The following STXBP5L variants were observed in gnomAD, a reference collection of about 807,000 sequenced individuals.
STXBP5L encodes syntaxin binding protein 5L, also known as syntaxin-binding protein 5-like.
STXBP5L carries 65 observed loss-of-function variants against 144.5 expected under a neutral mutation model. That is an observed-to-expected ratio of 0.45 (90% confidence interval 0.37 to 0.55). The LOEUF (loss-of-function observed/expected upper bound fraction) is 0.55. STXBP5L is among the 20% of genes least tolerant of loss of function. The probability of loss-of-function intolerance (pLI) is 0.00; values close to 1 mark genes in which losing one functional copy is unlikely to be tolerated. For missense variants in STXBP5L, 1,298 were observed against 1,405.5 expected (o/e 0.92, Z 1.22); for synonymous variants, 505 against 469.6 (o/e 1.08, Z -0.97).
At chr3:121,168,396 C>T (rs567964952) in intron 9 of STXBP5L, among the ~76,000 whole-genome samples, 1 of 152,180 alleles carries the variant, frequency 6.6e-6, no homozygotes, top group African/African-American at 2.4e-5. Context: ...CTCCTCTGAG[C>T]TAAAGGAGGA....
chr3:121,109,355 G>A (rs1301324279), intron 5 of STXBP5L, among the ~76,000 whole-genome samples: 1 of 152,016 alleles, frequency 6.6e-6, no homozygotes, highest in African/African-American at 2.4e-5. Context: ...TTTTCGATGT[G>A]GGCATTTAGT....
intron 5 of STXBP5L, among the ~76,000 whole-genome samples, chr3:121,090,155 T>G (rs1312347637): frequency 6.6e-6 from 1 of 152,172 alleles, no homozygotes; most frequent in Non-Finnish European, 1.5e-5. Context: ...ATTCCAGGCA[T>G]TGTTATGAGG....
At chr3:121,377,028 T>C (rs2046204074) in intron 20 of STXBP5L, among the ~76,000 whole-genome samples, 2 of 152,174 alleles carry the variant, frequency 1.3e-5, no homozygotes, top group South Asian at 2.1e-4. Flanking sequence ...GGCTGTCTGT[T>C]TGTCTATTAT....
intron 2 of STXBP5L, among the ~76,000 whole-genome samples, chr3:120,939,394 G>C (rs559232151): frequency 6.6e-5 from 10 of 152,210 alleles, no homozygotes; most frequent in Non-Finnish European, 1.3e-4. Context: ...CAAAAATACT[G>C]TTTCTGTAAG....
chr3:121,412,727 CAAAAA>C lies in STXBP5L; in HGVS notation c.2949-413_2949-409del, dbSNP rs35247157. ...ATGAAAATAAAGTTGTTTCTCCCTC[CAAAAA>C]AAAAAAAAAAAAAAAAACAAAAGAA... On this transcript the variant is annotated intron_variant, in intron 23 of 26. Transcript: ENST00000471454. Among the ~76,000 whole-genome samples the C allele has an allele frequency of 5.9e-3, 408 of 69,618 alleles. 4 individuals carry two copies. The highest frequency in any genetic ancestry group is 0.013 in the African/African-American group (213 of 16,622). 45.7% of individuals were successfully genotyped at this position (69,618 alleles called of 152,430 possible).
intron 3 of STXBP5L, among the ~76,000 whole-genome samples, chr3:121,025,195 T>G (rs913240832): frequency 1.3e-5 from 2 of 152,082 alleles, no homozygotes; most frequent in Non-Finnish European, 2.9e-5. Flanking sequence ...GTTTTGGTGG[T>G]TTTTAAGCCT....
At chr3:121,344,970 T>C (rs902415611) in intron 20 of STXBP5L, among the ~76,000 whole-genome samples, 10 of 150,402 alleles carry the variant, frequency 6.6e-5, no homozygotes, top group Non-Finnish European at 1.5e-4. Context: ...ATTATATATA[T>C]ATACACATTT....
intron 3 of STXBP5L, among the ~76,000 whole-genome samples, chr3:120,966,460 G>A (rs1348285424): frequency 3.9e-5 from 6 of 152,172 alleles, no homozygotes; most frequent in Non-Finnish European, 5.9e-5. Context: ...TAGAGATGGG[G>A]TTTTGGTGTA....
At chr3:121,033,619 T>C (rs1946536438) in intron 3 of STXBP5L, among the ~76,000 whole-genome samples, 1 of 151,560 alleles carries the variant, frequency 6.6e-6, no homozygotes, top group Non-Finnish European at 1.5e-5. Context: ...TAAATTCGTG[T>C]GTTTTTTATG....
Position 120,942,445 on chromosome 3 carries a change from T to C in STXBP5L, c.190-12495T>C, listed in dbSNP as rs1034976295. 2.0e-5 allele frequency among the ~76,000 whole-genome samples: 3 copies of C among 151,566 alleles called. No individual in the cohort carries two copies. In the South Asian group the frequency reaches 6.2e-4, roughly 31 times the overall value. The stretch of plus-strand genomic sequence containing the variant: ...ATCTAAGTTCCAAGCTAGTGAAAAG[T>C]ATTTTGTCTTTCTAACCACTTTATA... On this transcript the variant is annotated intron_variant, in intron 2 of 26. Coordinates refer to ENST00000471454, the MANE Select transcript of STXBP5L (RefSeq NM_001308330.2).
intron 20 of STXBP5L, among the ~76,000 whole-genome samples, chr3:121,325,239 T>C (rs1461089539): frequency 6.6e-6 from 1 of 152,078 alleles, no homozygotes; most frequent in African/African-American, 2.4e-5. Context: ...AAGTGTGAAC[T>C]ATTAATGTTC....
intron 5 of STXBP5L, among the ~76,000 whole-genome samples, chr3:121,093,748 G>C (rs1462146423): frequency 6.6e-6 from 1 of 152,044 alleles, no homozygotes; most frequent in Non-Finnish European, 1.5e-5. Flanking sequence ...AATTTTTGAA[G>C]GGTTTTTTGT....
intron 19 of STXBP5L, among the ~76,000 whole-genome samples, chr3:121,304,464 G>T (rs1415153861): frequency 6.6e-6 from 1 of 151,964 alleles, no homozygotes; most frequent in Non-Finnish European, 1.5e-5. Flanking sequence ...AGGATAGACT[G>T]GGCGATAAAA....
chr3:121,393,191 ATT>A (rs35499185), intron 22 of STXBP5L, among the ~76,000 whole-genome samples: 1 of 145,550 alleles, frequency 6.9e-6, no homozygotes. Flanking sequence ...GATGTTGAAC[ATT>A]TTTTTTTTTC....
chr3:121,368,762 T>C (rs769737058), intron 20 of STXBP5L, among the ~76,000 whole-genome samples: 101 of 152,000 alleles, frequency 6.6e-4, no homozygotes, highest in Non-Finnish European at 2.7e-4. Flanking sequence ...TTTCTCTGGA[T>C]ATGTGTGGTC....
At chr3:121,054,073 T>G (rs1384533945) in intron 5 of STXBP5L, among the ~76,000 whole-genome samples, 1 of 152,096 alleles carries the variant, frequency 6.6e-6, no homozygotes, top group Non-Finnish European at 1.5e-5. Context: ...ATGGCAATCA[T>G]TAAAAAGTCA....
intron 4 of STXBP5L, among the ~76,000 whole-genome samples, chr3:121,042,825 G>C (rs1024444072): frequency 6.6e-6 from 1 of 151,902 alleles, no homozygotes; most frequent in Non-Finnish European, 1.5e-5. Flanking sequence ...AGGCACACTT[G>C]CTATGGGGTA....
At chr3:120,933,535 G>A (rs1710079798) in intron 2 of STXBP5L, among the ~76,000 whole-genome samples, 1 of 152,014 alleles carries the variant, frequency 6.6e-6, no homozygotes, top group East Asian at 1.9e-4. Flanking sequence ...TTTGATGAGA[G>A]CATTGTATTA....
chr3:121,407,750 C>T (rs992592278), intron 23 of STXBP5L, 147 bp downstream of exon 23: 50 of 1,159,506 alleles, frequency 4.3e-5, no homozygotes, highest in African/African-American at 3.0e-4. Flanking sequence ...TATTGTTCAA[C>T]GATTTGATGA....
Sources: allele counts gnomAD v4.1 joint callset (sites outside exome capture counted in the v4.1 genomes callset), GRCh38; gene constraint gnomAD v4.1.1; transcripts MANE v1.5; gene names NCBI Gene and HGNC (gene_info 2026-07-23, HGNC 2026-07-21).